Variants in PIGK observed in about 807,000 individuals in gnomAD.
PIGK encodes GPI-anchor transamidase.
In PIGK, 42 loss-of-function variants were observed where a neutral mutation model predicts 50.6. That is an observed-to-expected ratio of 0.83 (90% CI 0.65 to 1.07). The LOEUF is 1.07. Among genes scored for constraint, PIGK ranks in the 50% least tolerant of loss-of-function variants. The probability of loss-of-function intolerance (pLI) is 0.00; values close to 1 mark genes in which losing one functional copy is unlikely to be tolerated. For synonymous variants in PIGK, 151 were observed against 156.0 expected (o/e 0.97, Z 0.24); for missense variants, 448 against 488.7 (o/e 0.92, Z 0.78).
chr1:77,169,966 C>T (rs991912208), intron 3 of PIGK, among the ~76,000 whole-genome samples: 9 of 152,116 alleles, frequency 5.9e-5, no homozygotes, highest in Non-Finnish European at 1.5e-5. Flanking sequence ...AATCACTCCT[C>T]ACAAGATCCA....
intron 10 of PIGK, among the ~76,000 whole-genome samples, chr1:77,111,495 A>T (rs1223324644): frequency 6.6e-6 from 1 of 152,028 alleles, no homozygotes; most frequent in Non-Finnish European, 1.5e-5. Context: ...TTCTCAGCAA[A>T]CTATCGCAAG....
intron 3 of PIGK, chr1:77,194,779 G>C (rs896669102): frequency 4.8e-5 from 17 of 357,704 alleles, no homozygotes; most frequent in Non-Finnish European, 7.5e-5. Flanking sequence ...TGTACCTCCT[G>C]AACCTAAAAT....
chr1:77,187,248 T>C (rs866618868), intron 3 of PIGK, among the ~76,000 whole-genome samples: 5 of 152,120 alleles, frequency 3.3e-5, no homozygotes, highest in Admixed American at 2.6e-4. Context: ...CCAAAGGCCA[T>C]GTATGCTCTG....
intron 9 of PIGK, among the ~76,000 whole-genome samples, chr1:77,147,504 A>C (rs1217595209): frequency 6.6e-6 from 1 of 152,218 alleles, no homozygotes; most frequent in Admixed American, 6.5e-5. Context: ...ATTCTATAGA[A>C]TTTAGACTTC....
At chr1:77,155,762 G>A (rs557399833) in intron 8 of PIGK, among the ~76,000 whole-genome samples, 4 of 152,124 alleles carry the variant, frequency 2.6e-5, no homozygotes, top group South Asian at 2.1e-4. Flanking sequence ...GGGTCCAGGC[G>A]CACAGCACCT....
intron 10 of PIGK, among the ~76,000 whole-genome samples, chr1:77,120,601 C>T (rs941013689): frequency 4.6e-5 from 7 of 151,930 alleles, no homozygotes; most frequent in Admixed American, 1.3e-4. Flanking sequence ...CCAGTTGGAC[C>T]GGCTAATGGT....
In PIGK at chr1:77,092,085, G is replaced by C. The variant is rs999494744; in HGVS notation, c.*289C>G. 1.7e-5 allele frequency: 3 copies of C among 171,538 alleles called. No homozygotes were observed. The highest frequency in any genetic ancestry group is 7.1e-5 in the African/African-American group (3 of 42,128). The allele number at this position is 171,538 out of a possible 1,614,324, so 10.6% of individuals were successfully genotyped here. A position where few individuals can be genotyped will look rare whatever the true frequency, so the allele number is the denominator to read the frequency against. On this transcript the variant is annotated 3_prime_UTR_variant, in exon 11 of 11. Coordinates refer to ENST00000370812, the MANE Select transcript of PIGK (RefSeq NM_005482.3). ...CAATTGTTTCTTTTCCAAATGAAAAGGGGATAAGGGGAAATTACTATTTTC... is the reference window on the plus strand; with the variant it reads ...CAATTGTTTCTTTTCCAAATGAAAACGGGATAAGGGGAAATTACTATTTTC...
intron 10 of PIGK, 32 bp from the exon 11 acceptor site, chr1:77,092,522 T>C (rs761444951): frequency 9.1e-7 from 1 of 1,099,548 alleles, no homozygotes; most frequent in Admixed American, 2.0e-5. Context: ...ATAAATTTTA[T>C]AACAGGTAAA....
intron 8 of PIGK, among the ~76,000 whole-genome samples, chr1:77,159,773 T>C (rs2100554603): frequency 6.6e-6 from 1 of 152,348 alleles, no homozygotes; most frequent in Non-Finnish European, 1.5e-5. Context: ...ACCCAATGCC[T>C]GTACCCCCAT....
intron 3 of PIGK, among the ~76,000 whole-genome samples, chr1:77,199,127 A>G (rs1656103144): frequency 1.3e-5 from 2 of 152,070 alleles, no homozygotes; most frequent in Non-Finnish European, 2.9e-5. Context: ...AATTGGTCCT[A>G]CATATGATCT....
intron 9 of PIGK, 135 bp downstream of exon 9, chr1:77,154,314 C>A: frequency 1.6e-6 from 1 of 625,342 alleles, no homozygotes; most frequent in East Asian, 2.7e-5. Context: ...ATACAGCCTA[C>A]ATAAAGTGAA....
chr1:77,156,899 A>G (rs1402303082), intron 8 of PIGK, among the ~76,000 whole-genome samples: 2 of 152,194 alleles, frequency 1.3e-5, no homozygotes, highest in African/African-American at 2.4e-5. Context: ...CTCGCATTCA[A>G]GAAGCTCAAA....
intron 1 of PIGK, among the ~76,000 whole-genome samples, chr1:77,213,921 C>T (rs767909688): frequency 1.4e-5 from 2 of 144,610 alleles, no homozygotes; most frequent in Non-Finnish European, 3.0e-5. Context: ...CACAAATACA[C>T]TGGAAAATCT....
chr1:77,177,118 C>G (rs186487706), intron 3 of PIGK, among the ~76,000 whole-genome samples: 4 of 152,314 alleles, frequency 2.6e-5, no homozygotes, highest in Admixed American at 2.6e-4. Flanking sequence ...TGTATAAAAG[C>G]TCTCCCATCC....
chr1:77,163,731 C>T lies in PIGK; in HGVS notation c.584+115G>A, dbSNP rs937574719. 3 of 623,560 alleles carry T rather than the reference C, an allele frequency of 4.8e-6. No individual in the cohort carries two copies. The East Asian group carries it at 9.1e-5, about 19-fold the overall frequency. The allele number at this position is 623,560 out of a possible 1,614,324, so 38.6% of individuals were successfully genotyped here. ...ATAACAAATGTAAATTTAAAAGAGT[C>T]AAAGAAATTGTCAAAATAAGTTAAA... On this transcript the variant is annotated intron_variant, in intron 6 of 10. Transcript: ENST00000370812.
At chr1:77,187,575 C>T (rs1481273769) in intron 3 of PIGK, among the ~76,000 whole-genome samples, 2 of 152,180 alleles carry the variant, frequency 1.3e-5, no homozygotes, top group Non-Finnish European at 2.9e-5. Context: ...GTTACAGTGA[C>T]TGACCCAGAC....
chr1:77,143,684 T>C (rs1009794329), intron 9 of PIGK, among the ~76,000 whole-genome samples: 1 of 152,108 alleles, frequency 6.6e-6, no homozygotes, highest in South Asian at 2.1e-4. Context: ...TATTAGACAG[T>C]TCCCTATATA....
chr1:77,202,430 G>A (rs1570261360), intron 3 of PIGK, among the ~76,000 whole-genome samples: 1 of 152,292 alleles, frequency 6.6e-6, no homozygotes, highest in Non-Finnish European at 1.5e-5. Context: ...AGAGGGGAAG[G>A]AGAAAGAAAA....
rs1367252681 is a variant in PIGK at position 77,163,089 on chromosome 1, CT to C, written c.584+756del. On this transcript the variant is annotated intron_variant, in intron 6 of 10. Coordinates refer to ENST00000370812, the MANE Select transcript of PIGK (RefSeq NM_005482.3). ...CAGTATGCAGCCCCCAGTATGCATT[CT>C]ATAACTGTAAGCTATGAATAAGACA... Among the ~76,000 whole-genome samples the C allele has an allele frequency of 2.0e-5, 3 of 152,282 alleles. No homozygotes were observed. In the East Asian group the frequency reaches 5.8e-4, roughly 29 times the overall value.
Sources: gnomAD v4.1 joint callset for allele counts (sites outside exome capture counted in the v4.1 genomes callset) on GRCh38, gnomAD v4.1.1 for gene constraint, MANE v1.5 for transcripts, NCBI Gene and HGNC (gene_info 2026-07-23, HGNC 2026-07-21) for gene names.